The following TRDN variants were observed in gnomAD, a reference collection of about 807,000 sequenced individuals.
TRDN encodes the protein triadin.
A neutral mutation model predicts 149.7 loss-of-function variants in TRDN; 161 were observed. The observed-to-expected ratio is 1.08, with a 90% CI of 0.95 to 1.23. The LOEUF is 1.23. Among genes scored for constraint, TRDN ranks in the 50% most tolerant of loss-of-function variants. The pLI, the probability that TRDN is intolerant of heterozygous loss-of-function variation, is 0.00. For synonymous variants in TRDN, 294 were observed against 250.5 expected, an observed-to-expected ratio of 1.17 and a Z score of -1.64; for missense variants, 896 against 823.5, an observed-to-expected ratio of 1.09 and a Z score of -1.08.
intron 20 of TRDN, among the ~76,000 whole-genome samples, chr6:123,354,063 G>A (rs935538562): frequency 1.3e-5 from 2 of 151,890 alleles, no homozygotes; most frequent in Admixed American, 6.6e-5. Context: ...CAAGTCCCAA[G>A]ATATTCCTGA....
intron 23 of TRDN, among the ~76,000 whole-genome samples, chr6:123,326,057 C>G (rs1233163619): frequency 6.6e-6 from 1 of 152,104 alleles, no homozygotes; most frequent in Non-Finnish European, 1.5e-5. Flanking sequence ...TATTGGACTT[C>G]AAGTTTGTTG....
intron 1 of TRDN, among the ~76,000 whole-genome samples, chr6:123,610,272 A>C (rs1263681027): frequency 6.6e-6 from 1 of 152,222 alleles, no homozygotes; most frequent in Non-Finnish European, 1.5e-5. Flanking sequence ...CAGCCATAGT[A>C]ATGCACCATT....
chr6:123,322,617 TTA>T (rs1220002815), intron 23 of TRDN, among the ~76,000 whole-genome samples: 1 of 12,530 alleles, frequency 8.0e-5, no homozygotes, highest in Non-Finnish European at 2.2e-4. Flanking sequence ...TTAAAATTTA[TTA>T]TTATTATTAT....
intron 21 of TRDN, among the ~76,000 whole-genome samples, chr6:123,346,439 A>T (rs546167721): frequency 1.6e-4 from 24 of 152,084 alleles, no homozygotes; most frequent in East Asian, 7.7e-4. Flanking sequence ...TTAAATTTTT[A>T]AAAAATTTCC....
rs1774973023 is a variant in TRDN at position 123,216,389 on chromosome 6, A to T, written c.*2212T>A. ...AGACGGTAATATATAAACAAATGAC[A>T]GTTCAGATAATATTTTTAAAGTGCT... On this transcript the variant is annotated 3_prime_UTR_variant, in exon 41 of 41. Coordinates refer to ENST00000334268, the MANE Select transcript of TRDN (RefSeq NM_006073.4). The T allele has an allele frequency of 6.6e-6, 1 of 151,974 alleles. No homozygotes were observed. Among genetic ancestry groups the T allele is most frequent in the Non-Finnish European group, 1.5e-5 (1 of 67,950 alleles). 9.4% of individuals were successfully genotyped at this position (151,974 alleles called of 1,614,324 possible).
chr6:123,635,651 T>A (rs1447908997), intron 1 of TRDN, among the ~76,000 whole-genome samples: 1 of 152,100 alleles, frequency 6.6e-6, no homozygotes, highest in Non-Finnish European at 1.5e-5. Flanking sequence ...AATTACTGTG[T>A]GTCCATACTA....
At chr6:123,418,021 T>G (rs1773728044) in intron 12 of TRDN, among the ~76,000 whole-genome samples, 1 of 152,152 alleles carries the variant, frequency 6.6e-6, no homozygotes, top group Admixed American at 6.5e-5. Flanking sequence ...CTTATTTGGC[T>G]CTCACAATTA....
intron 30 of TRDN, among the ~76,000 whole-genome samples, chr6:123,270,290 G>A (rs1777162482): frequency 6.6e-6 from 1 of 151,932 alleles, no homozygotes; most frequent in Non-Finnish European, 1.5e-5. Context: ...GGCCTTATGA[G>A]ATTTCTTTCT....
chr6:123,377,776 T>A (rs776490524), intron 17 of TRDN, 34 bp from the exon 18 acceptor site: 14 of 1,612,136 alleles, frequency 8.7e-6, no homozygotes, highest in Non-Finnish European at 1.2e-5. Context: ...AAAATCAGCA[T>A]TCTATGTCAT....
intron 38 of TRDN, among the ~76,000 whole-genome samples, chr6:123,231,668 C>T (rs1470818156): frequency 6.6e-6 from 1 of 151,726 alleles, no homozygotes; most frequent in Non-Finnish European, 1.5e-5. Context: ...CATATATGGC[C>T]CAATCATTTT....
intron 12 of TRDN, among the ~76,000 whole-genome samples, chr6:123,400,167 G>GTATATATATATATATA (rs374126829): frequency 0.062 from 7,620 of 122,828 alleles, 319 homozygotes; most frequent in Middle Eastern, 0.086. Context: ...ATATGTATGT[G>GTATATATATATATATA]TATATATATA....
At chr6:123,227,529 A>T (rs1345133063) in intron 38 of TRDN, among the ~76,000 whole-genome samples, 1 of 151,930 alleles carries the variant, frequency 6.6e-6, no homozygotes, top group African/African-American at 2.4e-5. Context: ...AGCTGGCAAG[A>T]TGTCTGAAAA....
intron 12 of TRDN, among the ~76,000 whole-genome samples, chr6:123,434,391 C>T (rs1426197249): frequency 6.6e-6 from 1 of 152,138 alleles, no homozygotes; most frequent in Non-Finnish European, 1.5e-5. Flanking sequence ...AATGATTTGG[C>T]AAATGAAGAT....
Position 123,259,556 on chromosome 6 carries a change from A to G in TRDN, c.1870+68T>C, listed in dbSNP as rs930348034. The G allele has an allele frequency of 9.9e-6, 10 of 1,013,170 alleles. No homozygotes were observed. The East Asian group carries it at 2.4e-4, about 25-fold the overall frequency. The allele number at this position is 1,013,170 out of a possible 1,614,324, so 62.8% of individuals were successfully genotyped here. On this transcript the variant is annotated intron_variant, in intron 35 of 40. Transcript: ENST00000334268. The stretch of plus-strand genomic sequence containing the variant: ...TGTTTTTAAATCATATAATTTGTAT[A>G]AATTTGTTTTTTGTTCCTCTGTTTT...
chr6:123,539,059 G>A (rs995445115), intron 4 of TRDN, among the ~76,000 whole-genome samples: 4 of 152,260 alleles, frequency 2.6e-5, no homozygotes, highest in African/African-American at 9.6e-5. Context: ...CTGTACATGA[G>A]AATTATCTGG....
intron 1 of TRDN, among the ~76,000 whole-genome samples, chr6:123,602,227 C>G: frequency 6.6e-6 from 1 of 151,850 alleles, no homozygotes; most frequent in East Asian, 1.9e-4. Flanking sequence ...GCATACATAC[C>G]CCATGGAATA....
chr6:123,308,069 G>T (rs1778678725), intron 24 of TRDN, among the ~76,000 whole-genome samples: 1 of 151,866 alleles, frequency 6.6e-6, no homozygotes, highest in African/African-American at 2.4e-5. Flanking sequence ...ATGTCCATGA[G>T]TATCTAATGT....
chr6:123,483,290 G>C (rs1222729348), intron 9 of TRDN, among the ~76,000 whole-genome samples: 1 of 151,608 alleles, frequency 6.6e-6, no homozygotes, highest in Middle Eastern at 3.4e-3. Flanking sequence ...TTTTAGTAGA[G>C]ACGGGGTTTC....
intron 21 of TRDN, chr6:123,350,211 C>T (rs1036701016): frequency 2.0e-5 from 19 of 967,582 alleles, no homozygotes; most frequent in African/African-American, 1.2e-4. Flanking sequence ...AACTGACTGT[C>T]GAAGTGATTT....
Sources: gnomAD v4.1 joint callset for allele counts (sites outside exome capture counted in the v4.1 genomes callset) on GRCh38, gnomAD v4.1.1 for gene constraint, MANE v1.5 for transcripts, NCBI Gene and HGNC (gene_info 2026-07-23, HGNC 2026-07-21) for gene names.